SORL1: variants seen among roughly 807,000 people sequenced by gnomAD.
The protein encoded by SORL1 is sortilin-related receptor.
Under a neutral mutation model 273.7 loss-of-function variants are expected in SORL1, and 127 were observed. The observed-to-expected ratio is 0.46, with a 90% CI of 0.40 to 0.54. The LOEUF (loss-of-function observed/expected upper bound fraction) is 0.54. Ranked by LOEUF, SORL1 falls within the 20% of genes least tolerant of loss-of-function variation. The probability of loss-of-function intolerance (pLI) is 0.00; values close to 1 mark genes in which losing one functional copy is unlikely to be tolerated. For missense variants in SORL1, 2,494 were observed against 2,846.1 expected (o/e 0.88, Z 2.81); for synonymous variants, 1,031 against 1,067.4 (o/e 0.97, Z 0.66).
chr11:121,614,825 A>G (rs1217380601), intron 40 of SORL1, 46 bp from the exon 41 acceptor site: 1 of 1,538,254 alleles, frequency 6.5e-7, no homozygotes, highest in African/African-American at 1.4e-5. Flanking sequence ...GTTCTTGACT[A>G]ACACCCCCAA....
intron 44 of SORL1, among the ~76,000 whole-genome samples, chr11:121,621,760 T>C (rs991603050): frequency 5.3e-5 from 8 of 152,198 alleles, no homozygotes; most frequent in Admixed American, 4.6e-4. Context: ...TATTGGGTAA[T>C]GGAGGCCCAG....
intron 30 of SORL1, chr11:121,590,414 T>G (rs1445053190): frequency 1.9e-6 from 1 of 513,112 alleles, no homozygotes; most frequent in African/African-American, 1.9e-5. Context: ...AGAGCCTTCC[T>G]ACTCAAAGTA....
At position 121,479,717 on chromosome 11, in the gene SORL1, C is replaced by T. The variant is rs554876590; in HGVS notation, c.528+1474C>T. On this transcript the variant is annotated intron_variant, in intron 3 of 47. Transcript: ENST00000260197. ...GGGCCACTTAAGGGTTTCAGGGCAG[C>T]GGCTGTTGACCAGGTGGTACAGAGC... 2.6e-5 allele frequency among the ~76,000 whole-genome samples: 4 copies of T among 152,258 alleles called. No homozygotes were observed. The East Asian group carries it at 5.8e-4, about 22-fold the overall frequency.
In SORL1 at chr11:121,588,000, C is replaced by T. The variant is rs768413260; in HGVS notation, c.3815-20C>T. The T allele has an allele frequency of 6.2e-7, 1 of 1,611,736 alleles. No individual in the cohort carries two copies. The highest frequency in any genetic ancestry group is 8.5e-7 in the Non-Finnish European group (1 of 1,178,590). On this transcript the variant is annotated intron_variant, in intron 27 of 47. Transcript: ENST00000260197. Reference sequence around the variant, plus strand: ...AGCCGCAGTGCTCATGGCCTCTTCCCTTCTCTGGATCCCTTACAGAGCCCC... The same window carrying T: ...AGCCGCAGTGCTCATGGCCTCTTCCTTTCTCTGGATCCCTTACAGAGCCCC...
At chr11:121,463,747 T>C (rs140295566) in intron 1 of SORL1, among the ~76,000 whole-genome samples, 2,757 of 152,304 alleles carry the variant, frequency 0.018, 34 homozygotes, top group Non-Finnish European at 0.027. Flanking sequence ...TGAGATTCCA[T>C]GAACTGGGCC....
rs151312897 is a variant in SORL1, at chr11:121,577,321, C to T, written c.3501C>T (p.Ser1167=). The part of the protein sequence containing the change: ...QCRSDEYNCS[S]GMCIRSSWVC... Reference sequence around the variant, plus strand: ...GGAGTGACGAGTACAACTGCAGTTCCGGCATGTGCATCCGCTCCTCCTGGG... The same window carrying T: ...GGAGTGACGAGTACAACTGCAGTTCTGGCATGTGCATCCGCTCCTCCTGGG... The change falls in exon 25 of 48, where the codon TCC becomes TCT. Residue 1167 remains serine (S), a synonymous_variant. Transcript: ENST00000260197. 7.4e-6 allele frequency: 12 copies of T among 1,612,976 alleles called. No homozygotes were observed. The highest frequency in any genetic ancestry group is 1.6e-4 in the Middle Eastern group (1 of 6,080).
intron 33 of SORL1, 119 bp downstream of exon 33, chr11:121,604,443 G>T (rs1863438400): frequency 4.6e-6 from 6 of 1,302,526 alleles, no homozygotes; most frequent in Non-Finnish European, 6.2e-6. Context: ...TCAATCTAAG[G>T]ATAAAACAGA....
At chr11:121,476,734 C>T (rs1861274031) in intron 2 of SORL1, among the ~76,000 whole-genome samples, 1 of 139,344 alleles carries the variant, frequency 7.2e-6, no homozygotes, top group Non-Finnish European at 1.6e-5. Context: ...CTTCTCCTCC[C>T]TCCCTTCCCT....
chr11:121,615,726 A>G (rs991893139), intron 41 of SORL1, among the ~76,000 whole-genome samples: 3 of 152,208 alleles, frequency 2.0e-5, no homozygotes, highest in Non-Finnish European at 4.4e-5. Flanking sequence ...GCTGAGTCAT[A>G]GGGAAATAAC....
chr11:121,549,186 G>A (rs1862473256), intron 14 of SORL1, among the ~76,000 whole-genome samples: 1 of 152,118 alleles, frequency 6.6e-6, no homozygotes, highest in Non-Finnish European at 1.5e-5. Flanking sequence ...TAGCTAGTAT[G>A]TGGATATACT....
chr11:121,532,080 A>G (rs180739341), intron 11 of SORL1, among the ~76,000 whole-genome samples: 5 of 152,302 alleles, frequency 3.3e-5, no homozygotes, highest in East Asian at 1.9e-4. Context: ...AGCAGGAAGG[A>G]TGGGCTATAG....
chr11:121,541,594 C>T (rs375977300), intron 12 of SORL1, among the ~76,000 whole-genome samples: 5 of 151,894 alleles, frequency 3.3e-5, no homozygotes, highest in South Asian at 4.2e-4. Context: ...GATTAGAATC[C>T]CAAAGGTGTA....
intron 44 of SORL1, 45 bp downstream of exon 44, chr11:121,621,283 C>A: frequency 2.0e-6 from 3 of 1,530,906 alleles, no homozygotes; most frequent in South Asian, 1.2e-5. Flanking sequence ...AGCCTGCCCT[C>A]AGTGCTGTGC....
chr11:121,569,629 G>T (rs1452046282), intron 22 of SORL1, among the ~76,000 whole-genome samples: 1 of 152,192 alleles, frequency 6.6e-6, no homozygotes, highest in Admixed American at 6.5e-5. Flanking sequence ...ATTTTGGTCA[G>T]ACTGGTTGTC....
In SORL1 at chr11:121,501,954, C is replaced by A. The variant is rs531103006; in HGVS notation, c.939+4905C>A. Among the ~76,000 whole-genome samples, 17 of 152,046 alleles carry A rather than the reference C, an allele frequency of 1.1e-4. No individual in the cohort carries two copies. In the South Asian group the frequency reaches 2.1e-3, roughly 19 times the overall value. On this transcript the variant is annotated intron_variant, in intron 6 of 47. Coordinates refer to ENST00000260197, the MANE Select transcript of SORL1 (RefSeq NM_003105.6). ...CTGACTAGTATTGTAATGAATATAA[C>A]ACATTTTATTTATCCATCTATTAGT...
chr11:121,501,181 A>G (rs1861703168), intron 6 of SORL1, among the ~76,000 whole-genome samples: 1 of 152,270 alleles, frequency 6.6e-6, no homozygotes, highest in Non-Finnish European at 1.5e-5. Flanking sequence ...AAATAAAACT[A>G]TAACAATACA....
At chr11:121,559,461 A>G in intron 20 of SORL1, 58 bp from the exon 21 acceptor site, 1 of 1,568,014 alleles carries the variant, frequency 6.4e-7, no homozygotes. Flanking sequence ...TTACCCTTAG[A>G]GAGAACCAGA....
Position 121,622,151 on chromosome 11 carries a change from T to A in SORL1, c.6065-11T>A, listed in dbSNP as rs761896515. 11 of 1,503,154 alleles carry A rather than the reference T, an allele frequency of 7.3e-6. No individual in the cohort carries two copies. Among genetic ancestry groups the A allele is most frequent in the Non-Finnish European group, 9.2e-6 (10 of 1,082,028 alleles). 93.1% of individuals were successfully genotyped at this position (1,503,154 alleles called of 1,614,324 possible). A position where few individuals can be genotyped will look rare whatever the true frequency, so the allele number is the denominator to read the frequency against. The stretch of plus-strand genomic sequence containing the variant: ...CCACTAACCGCATCCCATCTCATCT[T>A]TAATTTTCAGTTTCATTATCAGCAC... On this transcript the variant is annotated splice_polypyrimidine_tract_variant and intron_variant, in intron 44 of 47. Coordinates refer to ENST00000260197, the MANE Select transcript of SORL1 (RefSeq NM_003105.6).
intron 32 of SORL1, among the ~76,000 whole-genome samples, chr11:121,600,410 A>C (rs1863371037): frequency 6.6e-6 from 1 of 152,226 alleles, no homozygotes; most frequent in African/African-American, 2.4e-5. Context: ...AGGAATGAAC[A>C]AAGTAGACTC....
Sources: gnomAD v4.1 joint callset for allele counts (sites outside exome capture counted in the v4.1 genomes callset) on GRCh38, gnomAD v4.1.1 for gene constraint, MANE v1.5 for transcripts, NCBI Gene and HGNC (gene_info 2026-07-23, HGNC 2026-07-21) for gene names.